The following GNAI1 variants were observed in gnomAD, a reference collection of about 807,000 sequenced individuals.
GNAI1 encodes guanine nucleotide-binding protein G(i) subunit alpha-1.
A neutral mutation model predicts 38.9 loss-of-function variants in GNAI1; 11 were observed. The observed-to-expected ratio is 0.28, with a 90% CI of 0.18 to 0.47. GNAI1 has a LOEUF of 0.47. Ranked by LOEUF, GNAI1 falls within the 20% of genes least tolerant of loss-of-function variation. The pLI, the probability that GNAI1 is intolerant of heterozygous loss-of-function variation, is 0.99. For missense variants in GNAI1, 317 were observed against 436.9 expected, an observed-to-expected ratio of 0.73 and a Z score of 2.45; for synonymous variants, 166 against 145.1, an observed-to-expected ratio of 1.14 and a Z score of -1.04.
intron 1 of GNAI1, among the ~76,000 whole-genome samples, chr7:80,177,740 AG>A (rs1788214476): frequency 6.6e-6 from 1 of 152,136 alleles, no homozygotes; most frequent in Non-Finnish European, 1.5e-5. Flanking sequence ...TGGCCTCCCA[AG>A]GGGATTATAG....
chr7:80,163,586 CAT>C (rs1423044121), intron 1 of GNAI1, among the ~76,000 whole-genome samples: 1 of 152,166 alleles, frequency 6.6e-6, no homozygotes, highest in East Asian at 1.9e-4. Context: ...TTAAATTAAA[CAT>C]ATGTGAAGAT....
Position 80,221,395 on chromosome 7 carries a change from T to A in GNAI1, c.*3902T>A, listed in dbSNP as rs971506668. ...TGTTATTTGATTATAAATAATAGTT[T>A]TAAGGTGCCTTTAAAATCATAATCA... On this transcript the variant is annotated 3_prime_UTR_variant, in exon 8 of 8. Coordinates refer to ENST00000649796, the MANE Select transcript of GNAI1 (RefSeq NM_002069.6). Among the ~76,000 whole-genome samples the A allele has an allele frequency of 1.4e-4, 22 of 152,178 alleles. No individual in the cohort carries two copies. Among genetic ancestry groups the A allele is most frequent in the African/African-American group, 5.3e-4 (22 of 41,446 alleles).
chr7:80,174,449 TCTG>T (rs1056711329), intron 1 of GNAI1, among the ~76,000 whole-genome samples: 1 of 150,604 alleles, frequency 6.6e-6, no homozygotes, highest in Non-Finnish European at 1.5e-5. Context: ...TTTTGTATCT[TCTG>T]CTGTTTTTTT....
chr7:80,145,995 T>C (rs2523187), intron 1 of GNAI1, among the ~76,000 whole-genome samples: 46,217 of 151,994 alleles, frequency 0.3, 7,486 homozygotes, highest in Admixed American at 0.36. Flanking sequence ...AATTATATGT[T>C]GCATACATTC....
At chr7:80,135,409 TC>T in intron 1 of GNAI1, 131 bp downstream of exon 1, 1 of 512,004 alleles carries the variant, frequency 2.0e-6, no homozygotes, top group Non-Finnish European at 3.2e-6. Context: ...GGGAGCTGGG[TC>T]CGGCGGTGCG....
rs1429944892 is a variant in GNAI1, at chr7:80,226,154, T to C, written c.*8661T>C. Among the ~76,000 whole-genome samples the C allele has an allele frequency of 6.6e-6, 1 of 152,132 alleles. No individual in the cohort carries two copies. Among genetic ancestry groups the C allele is most frequent in the Admixed American group, 6.5e-5 (1 of 15,274 alleles). On this transcript the variant is annotated 3_prime_UTR_variant, in exon 8 of 8. Coordinates refer to ENST00000649796, the MANE Select transcript of GNAI1 (RefSeq NM_002069.6). Reference sequence around the variant, plus strand: ...AATTGTCTTTTGGTTTAAAATTATGTATCCAATAAAGACATTTAAAAAGTA... The same window carrying C: ...AATTGTCTTTTGGTTTAAAATTATGCATCCAATAAAGACATTTAAAAAGTA...
chr7:80,191,610 T>C (rs1788481729), intron 3 of GNAI1, among the ~76,000 whole-genome samples: 1 of 152,174 alleles, frequency 6.6e-6, no homozygotes, highest in Non-Finnish European at 1.5e-5. Flanking sequence ...TAGACTGGTC[T>C]CGAGCTCCTG....
intron 1 of GNAI1, among the ~76,000 whole-genome samples, chr7:80,143,168 C>T (rs1272123015): frequency 6.6e-6 from 1 of 152,140 alleles, no homozygotes; most frequent in Non-Finnish European, 1.5e-5. Context: ...CATGCTTTTC[C>T]TGTCAAATTA....
rs59511755 is a variant in GNAI1, at chr7:80,200,324, C to CAAAAAAAAAAAAAAAAAAAA, written c.461+946_461+965dup. ...CTGGAGATGGAGTGAGGCCATGTCTCAAAAAAAAAAAAAAAAAAAAAAACC... is the reference window on the plus strand; with the variant it reads ...CTGGAGATGGAGTGAGGCCATGTCTCAAAAAAAAAAAAAAAAAAAAAAAAAAAAAAAAAAAAAAAAAAACC... On this transcript the variant is annotated intron_variant, in intron 4 of 7. Coordinates refer to ENST00000649796, the MANE Select transcript of GNAI1 (RefSeq NM_002069.6). Among the ~76,000 whole-genome samples the CAAAAAAAAAAAAAAAAAAAA allele has an allele frequency of 2.5e-4, 10 of 40,372 alleles. 2 individuals carry two copies. Among genetic ancestry groups the CAAAAAAAAAAAAAAAAAAAA allele is most frequent in the African/African-American group, 1.5e-3 (9 of 6,044 alleles). 26.5% of individuals were successfully genotyped at this position (40,372 alleles called of 152,430 possible).
chr7:80,213,987 C>T (rs980866660), intron 7 of GNAI1, among the ~76,000 whole-genome samples: 5 of 152,034 alleles, frequency 3.3e-5, no homozygotes, highest in African/African-American at 4.8e-5. Flanking sequence ...GCTCAGGTAT[C>T]CCTACCCATA....
intron 1 of GNAI1, among the ~76,000 whole-genome samples, chr7:80,147,872 A>G (rs538844450): frequency 2.4e-4 from 37 of 152,320 alleles, no homozygotes; most frequent in African/African-American, 8.9e-4. Flanking sequence ...TGAAACGTGT[A>G]AATTCATTCA....
At chr7:80,136,898 G>T (rs1056850488) in intron 1 of GNAI1, among the ~76,000 whole-genome samples, 6 of 152,288 alleles carry the variant, frequency 3.9e-5, no homozygotes, top group African/African-American at 1.2e-4. Context: ...AAGGTCCCAG[G>T]AGTAGGCTTT....
At position 80,160,865 on chromosome 7, in the gene GNAI1, GA is replaced by G. The variant is rs767142622; in HGVS notation, c.118+25596del. Among the ~76,000 whole-genome samples the G allele has an allele frequency of 2.6e-3, 387 of 150,680 alleles. 2 individuals are homozygous for G. Among genetic ancestry groups the G allele is most frequent in the Non-Finnish European group, 4.1e-3 (280 of 67,570 alleles). Reference sequence around the variant, plus strand: ...TATTTGGTGCTAGTTCTAATTTTTAGAAAAAAAAATGTCCTGGTAACTAATG... The same window carrying G: ...TATTTGGTGCTAGTTCTAATTTTTAGAAAAAAAATGTCCTGGTAACTAATG... On this transcript the variant is annotated intron_variant, in intron 1 of 7. Coordinates refer to ENST00000649796, the MANE Select transcript of GNAI1 (RefSeq NM_002069.6).
intron 1 of GNAI1, among the ~76,000 whole-genome samples, chr7:80,142,795 T>C (rs1787549002): frequency 6.6e-6 from 1 of 152,208 alleles, no homozygotes; most frequent in Non-Finnish European, 1.5e-5. Context: ...TTCTAAAAAG[T>C]AAACTAATTT....
intron 7 of GNAI1, among the ~76,000 whole-genome samples, chr7:80,217,086 T>G (rs552486124): frequency 6.6e-6 from 1 of 152,010 alleles, no homozygotes; most frequent in Non-Finnish European, 1.5e-5. Context: ...ATTTTTTGTT[T>G]AAGGGATAAC....
chr7:80,178,828 C>A (rs541540852), intron 1 of GNAI1, among the ~76,000 whole-genome samples: 1 of 152,208 alleles, frequency 6.6e-6, no homozygotes, highest in Non-Finnish European at 1.5e-5. Flanking sequence ...AAGAAAACTT[C>A]ATAGAAATCG....
intron 3 of GNAI1, among the ~76,000 whole-genome samples, chr7:80,198,474 A>G (rs1449693755): frequency 3.9e-5 from 6 of 152,136 alleles, no homozygotes; most frequent in Admixed American, 6.6e-5. Flanking sequence ...AAATATGAGT[A>G]GCCTCAAATT....
At chr7:80,182,676 A>G (rs531697892) in intron 1 of GNAI1, among the ~76,000 whole-genome samples, 9 of 152,346 alleles carry the variant, frequency 5.9e-5, no homozygotes, top group Non-Finnish European at 8.8e-5. Flanking sequence ...GCACAGAAAG[A>G]AAATATTTTC....
intron 1 of GNAI1, among the ~76,000 whole-genome samples, chr7:80,188,427 G>GT (rs145015900): frequency 1.3e-5 from 2 of 152,038 alleles, no homozygotes; most frequent in African/African-American, 4.8e-5. Flanking sequence ...GTAGAAGCAT[G>GT]TTTTTTTATT....
Sources: gnomAD v4.1 joint callset for allele counts (sites outside exome capture counted in the v4.1 genomes callset) on GRCh38, gnomAD v4.1.1 for gene constraint, MANE v1.5 for transcripts, NCBI Gene and HGNC (gene_info 2026-07-23, HGNC 2026-07-21) for gene names.